The following CNPY4 variants were observed in gnomAD, a reference collection of about 807,000 sequenced individuals.
The protein encoded by CNPY4 is canopy FGF signaling regulator 4.
A neutral mutation model predicts 30.1 loss-of-function variants in CNPY4; 33 were observed. That is an observed-to-expected ratio of 1.10 (90% CI 0.83 to 1.46). The LOEUF (loss-of-function observed/expected upper bound fraction) is 1.46, where lower values mean the gene tolerates loss of function less well. Among genes scored for constraint, CNPY4 ranks in the 40% most tolerant of loss-of-function variants. The pLI is 0.00. For missense variants in CNPY4, 324 were observed against 302.6 expected (o/e 1.07, Z -0.52); for synonymous variants, 109 against 110.1 (o/e 0.99, Z 0.06).
rs1392613136 is a variant in CNPY4 at position 100,122,983 on chromosome 7, T to C, written c.465+77T>C. 42 of 1,475,410 alleles carry C rather than the reference T, an allele frequency of 2.8e-5. 1 individual carries two copies. The highest frequency in any genetic ancestry group is 2.8e-4 in the South Asian group (21 of 74,604). 91.4% of individuals were successfully genotyped at this position (1,475,410 alleles called of 1,614,324 possible). A position where few individuals can be genotyped will look rare whatever the true frequency, so the allele number is the denominator to read the frequency against. ...GGAGCTAGGTTCTAGGGTTTGACTA[T>C]AGGGGATGTCTACCCCTAAGCATGG... is the stretch of plus-strand genomic sequence containing the variant. On this transcript the variant is annotated intron_variant, in intron 4 of 5. Coordinates refer to ENST00000262932, the MANE Select transcript of CNPY4 (RefSeq NM_152755.2).
intron 1 of CNPY4, chr7:100,120,133 G>A (rs1056093743): frequency 2.9e-6 from 1 of 341,690 alleles, no homozygotes; most frequent in Non-Finnish European, 5.4e-6. Flanking sequence ...GGGACCATCG[G>A]CCCGGGACTG....
chr7:100,122,918 C>T lies in CNPY4; in HGVS notation c.465+12C>T. On this transcript the variant is annotated intron_variant, in intron 4 of 5. Transcript: ENST00000262932. ...ACCTCAAGAAGCAGGTAGGATAAGA[C>T]ACTGCACCATCCAGGGAGGTGAGAA... 1.2e-6 allele frequency: 2 copies of T among 1,607,632 alleles called. No individual in the cohort carries two copies.
At chr7:100,121,714 A>C (rs1469409163) in intron 1 of CNPY4, among the ~76,000 whole-genome samples, 1 of 151,126 alleles carries the variant, frequency 6.6e-6, no homozygotes, top group African/African-American at 2.4e-5. Flanking sequence ...TGCTGGGATT[A>C]CAGGTGTGAG....
chr7:100,123,295 T>A, intron 4 of CNPY4, among the ~76,000 whole-genome samples: 1 of 150,262 alleles, frequency 6.7e-6, no homozygotes, highest in East Asian at 2.0e-4. Flanking sequence ...TGAGCCAAGA[T>A]CGCACCATTG....
intron 2 of CNPY4, 38 bp downstream of exon 2, chr7:100,122,423 C>T (rs771172138): frequency 2.5e-6 from 4 of 1,614,066 alleles, no homozygotes; most frequent in South Asian, 1.1e-5. Context: ...CAACCCCCAA[C>T]GGAGCCCTGG....
chr7:100,122,453 G>C, intron 2 of CNPY4, 28 bp from the exon 3 acceptor site: 1 of 1,614,026 alleles, frequency 6.2e-7, no homozygotes. Flanking sequence ...CAGCATCCAG[G>C]GAATCTTTGT....
In CNPY4 at chr7:100,122,774, A is replaced by T. The variant is rs750580185; in HGVS notation, c.343-10A>T. On this transcript the variant is annotated splice_polypyrimidine_tract_variant and intron_variant, in intron 3 of 5. Coordinates refer to ENST00000262932, the MANE Select transcript of CNPY4 (RefSeq NM_152755.2). ...TGAGCTGGGCTGATGCCAAATTCTT[A>T]ATCTCTCAGGGTCAGAGTCAGACCA... The T allele has an allele frequency of 1.9e-6, 3 of 1,609,018 alleles. No individual in the cohort carries two copies. Among genetic ancestry groups the T allele is most frequent in the East Asian group, 4.5e-5 (2 of 44,780 alleles).
chr7:100,119,874 G>T lies in CNPY4; in HGVS notation c.118+12G>T. ...CAGCAAATGCGAAGGTATTTGAAGG[G>T]GGTAGCCCCTATAGGCATCGCCCGG... On this transcript the variant is annotated intron_variant, in intron 1 of 5. Transcript: ENST00000262932. 1 of 1,606,936 alleles carries T rather than the reference G, an allele frequency of 6.2e-7. No homozygotes were observed. Among genetic ancestry groups the T allele is most frequent in the Non-Finnish European group, 8.5e-7 (1 of 1,176,388 alleles).
In CNPY4 at chr7:100,124,498, C is replaced by T. The variant is rs373590886; in HGVS notation, c.466-16C>T. 8.9e-6 allele frequency: 14 copies of T among 1,580,950 alleles called. No homozygotes were observed. The Middle Eastern group carries it at 5.1e-4, about 58-fold the overall frequency. On this transcript the variant is annotated splice_polypyrimidine_tract_variant and intron_variant, in intron 4 of 5. Transcript: ENST00000262932. Reference sequence around the variant, plus strand: ...CCTCCAGAGCAGATACTCTTCTGGCCCTTCTACTTGACCAGTGTGAGACCA... The same window carrying T: ...CCTCCAGAGCAGATACTCTTCTGGCTCTTCTACTTGACCAGTGTGAGACCA...
chr7:100,122,237 G>T, intron 1 of CNPY4, 22 bp from the exon 2 acceptor site: 2 of 1,613,304 alleles, frequency 1.2e-6, no homozygotes, highest in South Asian at 2.2e-5. Context: ...ACCTCCCCCC[G>T]GACGTTTCTC....
intron 1 of CNPY4, among the ~76,000 whole-genome samples, chr7:100,120,931 T>A (rs1798020262): frequency 6.6e-6 from 1 of 151,832 alleles, no homozygotes; most frequent in African/African-American, 2.4e-5. Flanking sequence ...CTGTCTATAT[T>A]GTTAGTATGC....
chr7:100,125,188 CA>C lies in CNPY4; in HGVS notation c.*304del. 1 of 311,180 alleles carries C rather than the reference CA, an allele frequency of 3.2e-6. No homozygotes were observed. The allele number at this position is 311,180 out of a possible 1,614,324, so 19.3% of individuals were successfully genotyped here. On this transcript the variant is annotated 3_prime_UTR_variant, in exon 6 of 6. Transcript: ENST00000262932. ...CTCTTTAACTGATCCCACCCCCACCCAAAAGTCAGCAGTGGCACTGGAGCTG... is the reference window on the plus strand; with the variant it reads ...CTCTTTAACTGATCCCACCCCCACCCAAAGTCAGCAGTGGCACTGGAGCTG...
Position 100,119,661 on chromosome 7 carries a change from C to G in CNPY4, c.-84C>G. 1 of 1,611,462 alleles carries G rather than the reference C, an allele frequency of 6.2e-7. No individual in the cohort carries two copies. Among genetic ancestry groups the G allele is most frequent in the Non-Finnish European group, 8.5e-7 (1 of 1,178,896 alleles). On this transcript the variant is annotated 5_prime_UTR_variant, in exon 1 of 6. Coordinates refer to ENST00000262932, the MANE Select transcript of CNPY4 (RefSeq NM_152755.2). ...TCCTCGGCTGGATTTAAGGTTGCCG[C>G]TAGCCGCCTGGGAATTTAAGGGACC...
intron 4 of CNPY4, among the ~76,000 whole-genome samples, chr7:100,123,341 TAAAAAA>T (rs1244231818): frequency 1.4e-5 from 2 of 138,156 alleles, no homozygotes; most frequent in African/African-American, 2.7e-5. Context: ...GACTCCATCT[TAAAAAA>T]AAAAACAAAA....
In CNPY4 at chr7:100,122,482, G is replaced by A. The variant is rs1231290899; in HGVS notation, c.247G>A (p.Glu83Lys). The A allele has an allele frequency of 6.2e-7, 1 of 1,614,074 alleles. No individual in the cohort carries two copies. Among genetic ancestry groups the A allele is most frequent in the South Asian group, 1.1e-5 (1 of 91,066 alleles). Reference sequence around the variant, plus strand: ...TCTTTGTTTCCTCTCTTTCCACAGAGAGACAAGGCTGGAAGAGGCCTTAGA... The same window carrying A: ...TCTTTGTTTCCTCTCTTTCCACAGAAAGACAAGGCTGGAAGAGGCCTTAGA... The part of the protein sequence containing the change: ...RKRHVPYSVS[E>K]TRLEEALENL... Residue 83 changes from glutamate to lysine, a missense_variant and splice_region_variant, in exon 3 of 6, where the codon GAG becomes AAG. Coordinates refer to ENST00000262932, the MANE Select transcript of CNPY4 (RefSeq NM_152755.2).
chr7:100,119,936 G>GT, intron 1 of CNPY4, 74 bp downstream of exon 1: 2 of 1,373,712 alleles, frequency 1.5e-6, no homozygotes, highest in Non-Finnish European at 2.0e-6. Context: ...ATCCTAGCCT[G>GT]TATTGGGTGG....
chr7:100,120,169 G>C lies in CNPY4; in HGVS notation c.118+307G>C, dbSNP rs539391952. 25 of 261,148 alleles carry C rather than the reference G, an allele frequency of 9.6e-5. No homozygotes were observed. The Middle Eastern group carries it at 5.2e-3, about 54-fold the overall frequency. The allele number at this position is 261,148 out of a possible 1,614,324, so 16.2% of individuals were successfully genotyped here. Reference sequence around the variant, plus strand: ...CCAACTTTTAGAGCATCTTCAGTGAGTGTTTACCTCATGTCACCAGACCTT... The same window carrying C: ...CCAACTTTTAGAGCATCTTCAGTGACTGTTTACCTCATGTCACCAGACCTT... On this transcript the variant is annotated intron_variant, in intron 1 of 5. Coordinates refer to ENST00000262932, the MANE Select transcript of CNPY4 (RefSeq NM_152755.2).
chr7:100,120,694 G>C (rs1016749121), intron 1 of CNPY4, among the ~76,000 whole-genome samples: 1 of 152,106 alleles, frequency 6.6e-6, no homozygotes, highest in East Asian at 1.9e-4. Flanking sequence ...TCACCTAATT[G>C]TATCAGTCCT....
At chr7:100,121,979 G>A (rs1405916519) in intron 1 of CNPY4, 1 of 327,084 alleles carries the variant, frequency 3.1e-6, no homozygotes, top group Non-Finnish European at 5.8e-6. Flanking sequence ...GAACCCAGGA[G>A]GCGGAGCTGG....
Sources: gnomAD v4.1 joint callset for allele counts (sites outside exome capture counted in the v4.1 genomes callset) on GRCh38, gnomAD v4.1.1 for gene constraint, MANE v1.5 for transcripts, NCBI Gene and HGNC (gene_info 2026-07-23, HGNC 2026-07-21) for gene names.